Variants in PPP6R3 observed in about 807,000 individuals in gnomAD.
PPP6R3 encodes the protein protein phosphatase 6 regulatory subunit 3.
A neutral mutation model predicts 110.7 loss-of-function variants in PPP6R3; 38 were observed. The ratio of observed to expected loss-of-function variants is 0.34; its 90% CI spans 0.26 to 0.45. PPP6R3 has a LOEUF of 0.45. PPP6R3 is among the 20% of genes least tolerant of loss of function. PPP6R3 has a pLI of 1.00. For missense variants in PPP6R3, 870 were observed against 1,062.4 expected (o/e 0.82, Z 2.52); for synonymous variants, 369 against 373.5 (o/e 0.99, Z 0.14).
intron 1 of PPP6R3, among the ~76,000 whole-genome samples, chr11:68,518,461 G>A (rs909782401): frequency 1.3e-5 from 2 of 152,184 alleles, no homozygotes; most frequent in African/African-American, 4.8e-5. Flanking sequence ...GACTTTAGAT[G>A]TGATACATGA....
chr11:68,497,505 A>G (rs2099024749), intron 1 of PPP6R3, among the ~76,000 whole-genome samples: 1 of 151,996 alleles, frequency 6.6e-6, no homozygotes, highest in Non-Finnish European at 1.5e-5. Flanking sequence ...GACGTATGCT[A>G]CCACGCCTGA....
At chr11:68,555,546 G>C (rs1158338011) in intron 7 of PPP6R3, among the ~76,000 whole-genome samples, 1 of 152,220 alleles carries the variant, frequency 6.6e-6, no homozygotes, top group Non-Finnish European at 1.5e-5. Flanking sequence ...AGTAGACAGT[G>C]CAGGTTCTGC....
intron 12 of PPP6R3, among the ~76,000 whole-genome samples, chr11:68,572,209 C>T (rs905819458): frequency 1.3e-5 from 2 of 152,062 alleles, no homozygotes; most frequent in Non-Finnish European, 2.9e-5. Context: ...TGTCTGACTC[C>T]GTCTTGGCTT....
chr11:68,565,113 C>A (rs559962573), intron 9 of PPP6R3, among the ~76,000 whole-genome samples: 3 of 151,646 alleles, frequency 2.0e-5, no homozygotes, highest in African/African-American at 7.3e-5. Context: ...TGCCCTATAT[C>A]ATTGAATCTG....
intron 2 of PPP6R3, among the ~76,000 whole-genome samples, chr11:68,526,902 T>C: frequency 6.6e-6 from 1 of 152,218 alleles, no homozygotes; most frequent in Non-Finnish European, 1.5e-5. Flanking sequence ...TTGCTTTAAT[T>C]TGAACTAGTT....
intron 12 of PPP6R3, among the ~76,000 whole-genome samples, chr11:68,573,722 T>A (rs906042610): frequency 6.6e-6 from 1 of 152,204 alleles, no homozygotes; most frequent in African/African-American, 2.4e-5. Flanking sequence ...TTCCTTATAA[T>A]CTGATTAAGG....
intron 19 of PPP6R3, among the ~76,000 whole-genome samples, chr11:68,597,874 G>A (rs1348243983): frequency 6.6e-6 from 1 of 151,822 alleles, no homozygotes; most frequent in African/African-American, 2.4e-5. Flanking sequence ...CAGCTACTCG[G>A]GAGGCTGAAG....
At chr11:68,500,782 T>A (rs1273649558) in intron 1 of PPP6R3, among the ~76,000 whole-genome samples, 2 of 152,210 alleles carry the variant, frequency 1.3e-5, no homozygotes, top group African/African-American at 4.8e-5. Context: ...AGCCTAAAAC[T>A]TTTATCTGAA....
intron 2 of PPP6R3, among the ~76,000 whole-genome samples, chr11:68,528,585 A>G (rs994777416): frequency 1.3e-5 from 2 of 152,128 alleles, no homozygotes; most frequent in African/African-American, 2.4e-5. Flanking sequence ...TTTGTGTTCC[A>G]TGTTTCTGCC....
At position 68,600,459 on chromosome 11, in the gene PPP6R3, C is replaced by T. The variant is rs1235516848; in HGVS notation, c.2157C>T (p.Gly719=). 6.2e-7 allele frequency: 1 copy of T among 1,614,048 alleles called. No individual in the cohort carries two copies. The highest frequency in any genetic ancestry group is 8.5e-7 in the Non-Finnish European group (1 of 1,179,986). Residue 719 remains glycine (G), a synonymous_variant, in exon 20 of 24, where the codon GGC becomes GGT. Coordinates refer to ENST00000393800, the MANE Select transcript of PPP6R3 (RefSeq NM_001164161.2). The stretch of plus-strand genomic sequence containing the variant: ...AGCCGATGCCAACTAAAGAGACGGG[C>T]TGGGCTTCTTTTTCAGAGTTCACGT... The part of the protein sequence containing the change: ...TEEPMPTKET[G]WASFSEFTSS...
Position 68,603,364 on chromosome 11 carries a change from A to G in PPP6R3, c.2322A>G (p.Glu774=), listed in dbSNP as rs199753303. The G allele has an allele frequency of 2.5e-6, 4 of 1,614,018 alleles. No homozygotes were observed. The East Asian group carries it at 6.7e-5, about 27-fold the overall frequency. The change falls in exon 22 of 24, where the codon GAA becomes GAG. Residue 774 remains glutamate (E), a synonymous_variant. Coordinates refer to ENST00000393800, the MANE Select transcript of PPP6R3 (RefSeq NM_001164161.2). Reference sequence around the variant, plus strand: ...CAGCGGCAGGCAGTGTGGCCATGGAAGCCAGCTCTGACGGAGAGGAGGATG... The same window carrying G: ...CAGCGGCAGGCAGTGTGGCCATGGAGGCCAGCTCTGACGGAGAGGAGGATG... The part of the protein sequence containing the change: ...QPEAAGSVAM[E]ASSDGEEDAE...
intron 4 of PPP6R3, among the ~76,000 whole-genome samples, chr11:68,547,863 G>A (rs1443883205): frequency 6.6e-6 from 1 of 152,032 alleles, no homozygotes; most frequent in Non-Finnish European, 1.5e-5. Flanking sequence ...TGCTAATTTA[G>A]GGGATTTTTT....
chr11:68,544,486 G>A (rs2099338681), intron 3 of PPP6R3, among the ~76,000 whole-genome samples: 1 of 152,218 alleles, frequency 6.6e-6, no homozygotes, highest in South Asian at 2.1e-4. Flanking sequence ...CCATGCCAGA[G>A]GAGGCTGTAG....
chr11:68,573,149 T>TATATATATATATAA (rs2099516455), intron 12 of PPP6R3, among the ~76,000 whole-genome samples: 1 of 113,500 alleles, frequency 8.8e-6, no homozygotes, highest in Non-Finnish European at 1.8e-5. Context: ...TATATATATA[T>TATATATATATATAA]ATATAATTTT....
chr11:68,578,815 A>G (rs1273802557), intron 14 of PPP6R3, among the ~76,000 whole-genome samples: 1 of 152,194 alleles, frequency 6.6e-6, no homozygotes, highest in Non-Finnish European at 1.5e-5. Context: ...GCAGATTCAT[A>G]TACTCCCTGT....
intron 1 of PPP6R3, among the ~76,000 whole-genome samples, chr11:68,469,530 C>T (rs1408444268): frequency 1.3e-5 from 2 of 151,860 alleles, no homozygotes; most frequent in East Asian, 1.9e-4. Flanking sequence ...CATGCTACTA[C>T]ACCCAGGTAA....
In PPP6R3 at chr11:68,526,207, A is replaced by G. The variant is rs146336689; in HGVS notation, c.-7+6556A>G. ...GAATCTTGGATGCTTCAGATGGGAA[A>G]CCTTTCTAGGGCCTATGAGAATTTA... On this transcript the variant is annotated intron_variant, in intron 2 of 23. Transcript: ENST00000393800. Among the ~76,000 whole-genome samples, 424 of 151,624 alleles carry G rather than the reference A, an allele frequency of 2.8e-3. 2 individuals carry two copies. Among genetic ancestry groups the G allele is most frequent in the African/African-American group, 9.8e-3 (404 of 41,312 alleles).
chr11:68,563,533 C>T (rs2099438370), intron 8 of PPP6R3, among the ~76,000 whole-genome samples: 1 of 152,174 alleles, frequency 6.6e-6, no homozygotes, highest in Non-Finnish European at 1.5e-5. Context: ...TTTGCAGGCC[C>T]TACGTATTAG....
In PPP6R3 at chr11:68,591,675, G is replaced by C; in HGVS notation, c.1885G>C (p.Ala629Pro). The C allele has an allele frequency of 1.9e-6, 3 of 1,612,882 alleles. No individual in the cohort carries two copies. Among genetic ancestry groups the C allele is most frequent in the Non-Finnish European group, 2.5e-6 (3 of 1,179,524 alleles). Residue 629 changes from alanine to proline, a missense_variant, in exon 18 of 24, where the codon GCA (alanine) becomes CCA (proline). Ala to Pro is a conservative substitution (Grantham distance 27). Transcript: ENST00000393800. ...EEDIWEEKHI[A>P]FTPESQRRSS... is the part of the protein sequence containing the mutation. ...AGATATATGGGAGGAAAAGCACATC[G>C]CATTCACACCAGAATCCCAAAGACG...
Sources: gnomAD v4.1 joint callset for allele counts (sites outside exome capture counted in the v4.1 genomes callset) on GRCh38, gnomAD v4.1.1 for gene constraint, MANE v1.5 for transcripts, NCBI Gene and HGNC (gene_info 2026-07-23, HGNC 2026-07-21) for gene names.